Variants in TNRC6A observed in about 807,000 individuals in gnomAD.
TNRC6A encodes the protein trinucleotide repeat-containing gene 6A protein.
A neutral mutation model predicts 221.2 loss-of-function variants in TNRC6A; 44 were observed. The ratio of observed to expected loss-of-function variants is 0.20; its 90% confidence interval spans 0.16 to 0.26. The LOEUF (loss-of-function observed/expected upper bound fraction) is 0.26. Among genes scored for constraint, TNRC6A ranks in the 10% least tolerant of loss-of-function variants. The probability of loss-of-function intolerance (pLI) is 1.00; values close to 1 mark genes in which losing one functional copy is unlikely to be tolerated. For missense variants in TNRC6A, 2,199 were observed against 2,404.4 expected, an observed-to-expected ratio of 0.91 and a Z score of 1.79; for synonymous variants, 847 against 838.5, an observed-to-expected ratio of 1.01 and a Z score of -0.18.
intron 4 of TNRC6A, among the ~76,000 whole-genome samples, chr16:24,774,077 C>T (rs116435204): frequency 0.015 from 2,276 of 152,164 alleles, 40 homozygotes; most frequent in African/African-American, 0.052. Flanking sequence ...TTTTCCATGT[C>T]CGTTGAATAG....
rs868427747 is a variant in TNRC6A at position 24,729,688 on chromosome 16, C to T, written c.-154C>T. On this transcript the variant is annotated 5_prime_UTR_variant, in exon 1 of 25. Transcript: ENST00000395799. ...GGGCCTGCGGCGGCGGCGGTGTCGG[C>T]GGCGGCGGCGGCGGCGGCGGCGGCG... The T allele has an allele frequency of 1.7e-3, 796 of 476,378 alleles. 3 individuals are homozygous for T. Among genetic ancestry groups the T allele is most frequent in the South Asian group, 4.1e-3 (57 of 13,828 alleles). The allele number at this position is 476,378 out of a possible 1,614,324, so 29.5% of individuals were successfully genotyped here.
rs542620759 is a variant in TNRC6A at position 24,791,047 on chromosome 16, G to T, written c.2405G>T (p.Gly802Val). 10 of 1,596,162 alleles carry T rather than the reference G, an allele frequency of 6.3e-6. No homozygotes were observed. The highest frequency in any genetic ancestry group is 4.5e-5 in the East Asian group (2 of 44,774). ...WGDSKGSNCQ[G>V]GWEDDSAATG... ...GATTCCAAAGGCTCAAACTGCCAGG[G>T]GGGGTGGGAAGATGATTCTGCTGCT... The change falls in exon 6 of 25, where the codon GGG becomes GTG. Residue 802 changes from glycine to valine, a missense_variant. Around this residue, in one of 8 missense-constraint regions of TNRC6A, gnomAD observed 1,405 missense variants for 1,400.2 expected, o/e 1.00. Coordinates refer to ENST00000395799, the MANE Select transcript of TNRC6A (RefSeq NM_014494.4).
chr16:24,718,408 A>G (rs2056353493), intron 2 of TNRC6A, among the ~76,000 whole-genome samples: 1 of 152,308 alleles, frequency 6.6e-6, no homozygotes, highest in Admixed American at 6.5e-5. Context: ...CAAGGGAGGT[A>G]GCATTTGAAC....
intron 4 of TNRC6A, among the ~76,000 whole-genome samples, chr16:24,772,174 A>T (rs1337144876): frequency 1.3e-5 from 2 of 152,042 alleles, no homozygotes; most frequent in Non-Finnish European, 2.9e-5. Flanking sequence ...GGTAATCTCC[A>T]CGTTTGAATT....
intron 2 of TNRC6A, among the ~76,000 whole-genome samples, chr16:24,704,699 GAA>G: frequency 8.4e-6 from 1 of 119,628 alleles, no homozygotes; most frequent in South Asian, 2.9e-4. Flanking sequence ...AAAAAAGAAA[GAA>G]AAAAATTATG....
upstream of TNRC6A, among the ~76,000 whole-genome samples, chr16:24,725,936 G>C (rs1567390937): frequency 2.0e-5 from 3 of 151,690 alleles, no homozygotes; most frequent in Non-Finnish European, 4.4e-5. Flanking sequence ...GGAGGCAGAG[G>C]TTGCAGTGAG....
chr16:24,720,040 C>T (rs78826182), intron 2 of TNRC6A, among the ~76,000 whole-genome samples: 5,032 of 152,106 alleles, frequency 0.033, 287 homozygotes, highest in African/African-American at 0.11. Flanking sequence ...GCAGGCTTGC[C>T]TGAGGCATGG....
At chr16:24,722,993 T>C (rs543020698) in intron 2 of TNRC6A, among the ~76,000 whole-genome samples, 12 of 152,070 alleles carry the variant, frequency 7.9e-5, no homozygotes, top group Middle Eastern at 3.4e-3. Flanking sequence ...GGGGGAAAAC[T>C]GGGAAAGGGT....
Position 24,792,613 on chromosome 16 carries a change from C to CTTT in TNRC6A, c.3175+819_3175+821dup, listed in dbSNP as rs34670934. ...ATTTTTTTTAATGAAACATTTATGG[C>CTTT]TTTTTTTTTTTTTTTTTTTTTTTTT... On this transcript the variant is annotated intron_variant, in intron 6 of 24. Coordinates refer to ENST00000395799, the MANE Select transcript of TNRC6A (RefSeq NM_014494.4). Among the ~76,000 whole-genome samples, 504 of 56,532 alleles carry CTTT rather than the reference C, an allele frequency of 8.9e-3. 6 individuals are homozygous for CTTT. Among genetic ancestry groups the CTTT allele is most frequent in the Non-Finnish European group, 0.012 (405 of 34,482 alleles). 37.1% of individuals were successfully genotyped at this position (56,532 alleles called of 152,430 possible).
intron 21 of TNRC6A, 85 bp downstream of exon 21, chr16:24,818,785 GTC>G (rs1330288497): frequency 1.0e-6 from 1 of 995,566 alleles, no homozygotes; most frequent in East Asian, 2.5e-5. Flanking sequence ...CTTTCGTCCA[GTC>G]TTCTCAGGGA....
chr16:24,637,300 T>A (rs1192412526), intron 1 of TNRC6A, among the ~76,000 whole-genome samples: 1 of 152,176 alleles, frequency 6.6e-6, no homozygotes, highest in East Asian at 1.9e-4. Context: ...CCCAAAGTGC[T>A]GGGATTACAA....
intron 1 of TNRC6A, among the ~76,000 whole-genome samples, chr16:24,611,162 T>A (rs1427631510): frequency 6.6e-6 from 1 of 152,146 alleles, no homozygotes; most frequent in Non-Finnish European, 1.5e-5. Flanking sequence ...TGATTTTTCT[T>A]AGGAGTTCCT....
intron 4 of TNRC6A, 58 bp from the exon 5 acceptor site, chr16:24,776,875 T>A: frequency 6.4e-7 from 1 of 1,553,026 alleles, no homozygotes; most frequent in Non-Finnish European, 8.7e-7. Context: ...GATGGCTTAC[T>A]TTGGAGGTAC....
chr16:24,675,211 A>G (rs113990433), intron 2 of TNRC6A, among the ~76,000 whole-genome samples: 11 of 152,288 alleles, frequency 7.2e-5, no homozygotes, highest in African/African-American at 2.2e-4. Flanking sequence ...ACATGGGGGG[A>G]AATAATCAAA....
intron 2 of TNRC6A, among the ~76,000 whole-genome samples, chr16:24,647,234 A>G (rs60414499): frequency 0.14 from 20,807 of 152,052 alleles, 1,527 homozygotes; most frequent in Non-Finnish European, 0.15. Flanking sequence ...GCCAGCCTAA[A>G]ATATCTTTTT....
chr16:24,806,486 A>G, intron 16 of TNRC6A, 88 bp from the exon 17 acceptor site: 1 of 1,517,790 alleles, frequency 6.6e-7, no homozygotes, highest in Non-Finnish European at 9.1e-7. Context: ...CTGAGACGAA[A>G]GTGAATTCAA....
intron 11 of TNRC6A, among the ~76,000 whole-genome samples, chr16:24,799,284 G>T (rs1221370545): frequency 1.3e-5 from 2 of 152,142 alleles, no homozygotes; most frequent in Admixed American, 1.3e-4. Context: ...GGTAAAATTG[G>T]AGCTAGAGGA....
At chr16:24,723,978 A>T (rs2056453610) in intron 2 of TNRC6A, among the ~76,000 whole-genome samples, 1 of 152,090 alleles carries the variant, frequency 6.6e-6, no homozygotes, top group Non-Finnish European at 1.5e-5. Flanking sequence ...TCTAGTGTAG[A>T]CCTCTTCCAA....
intron 4 of TNRC6A, among the ~76,000 whole-genome samples, chr16:24,762,730 C>T (rs182622774): frequency 6.6e-6 from 1 of 152,320 alleles, no homozygotes; most frequent in Admixed American, 6.5e-5. Context: ...GAAAAATTAA[C>T]TAACTTGCCC....
Sources: allele counts gnomAD v4.1 joint callset (sites outside exome capture counted in the v4.1 genomes callset), GRCh38; gene constraint gnomAD v4.1.1; regional missense constraint gnomAD v4.1.1; transcripts MANE v1.5; gene names NCBI Gene and HGNC (gene_info 2026-07-23, HGNC 2026-07-21).